Variants in PPP1R42 observed in about 807,000 individuals in gnomAD.
The protein encoded by PPP1R42 is protein phosphatase 1 regulatory subunit 42.
Under a neutral mutation model 31.0 loss-of-function variants are expected in PPP1R42, and 34 were observed. The ratio of observed to expected loss-of-function variants is 1.10; its 90% CI spans 0.83 to 1.46. The LOEUF (loss-of-function observed/expected upper bound fraction) is 1.46, where lower values mean the gene tolerates loss of function less well. Ranked by LOEUF, PPP1R42 falls within the 40% of genes most tolerant of loss-of-function variation. The probability of loss-of-function intolerance (pLI) is 0.00; values close to 1 mark genes in which losing one functional copy is unlikely to be tolerated. For missense variants in PPP1R42, 268 were observed against 303.0 expected, an observed-to-expected ratio of 0.88 and a Z score of 0.86; for synonymous variants, 103 against 109.8, an observed-to-expected ratio of 0.94 and a Z score of 0.39.
In PPP1R42 at chr8:67,014,513, T is replaced by A. The variant is rs748298905; in HGVS notation, c.209A>T (p.Tyr70Phe). ...GTACAAGTGGGTCAGATTTGTGGCATAATTCAGGTTAGTGATTTGACTAAT... is the reference window on the plus strand; with the variant it reads ...GTACAAGTGGGTCAGATTTGTGGCAAAATTCAGGTTAGTGATTTGACTAAT... Reference protein sequence around the residue: ...NCISQITNLNYATNLTHLYLQ... With the variant: ...NCISQITNLNFATNLTHLYLQ... Residue 70 changes from tyrosine to phenylalanine, a missense_variant, in exon 3 of 8, where the codon TAT (tyrosine) becomes TTT (phenylalanine). Coordinates refer to ENST00000685739, the MANE Select transcript of PPP1R42 (RefSeq NM_001364910.1). 2 of 1,578,422 alleles carry A rather than the reference T, an allele frequency of 1.3e-6. No homozygotes were observed. The highest frequency in any genetic ancestry group is 1.7e-6 in the Non-Finnish European group (2 of 1,152,464).
At chr8:67,004,735 T>C (rs937057461) in intron 5 of PPP1R42, among the ~76,000 whole-genome samples, 1 of 152,204 alleles carries the variant, frequency 6.6e-6, no homozygotes, top group Non-Finnish European at 1.5e-5. Flanking sequence ...TTCTTTCTTT[T>C]TGTTTCCGTT....
intron 1 of PPP1R42, among the ~76,000 whole-genome samples, chr8:67,026,317 A>G (rs2129537310): frequency 6.6e-6 from 1 of 151,962 alleles, no homozygotes; most frequent in East Asian, 1.9e-4. Flanking sequence ...CAGACTGGGC[A>G]ACAAGAGTGA....
At position 66,986,067 on chromosome 8, in the gene PPP1R42, G is replaced by T. The variant is rs76083592; in HGVS notation, c.670+2333C>A. ...TCGGGGAGTAGAATCATCAAGAAAA[G>T]GTTTCAGATGATCGGCTGCCTTCTT... On this transcript the variant is annotated intron_variant, in intron 6 of 7. Transcript: ENST00000685739. 713 of 740,464 alleles carry T rather than the reference G, an allele frequency of 9.6e-4. 7 individuals carry two copies. In the East Asian group the frequency reaches 0.015, roughly 16 times the overall value. The allele number at this position is 740,464 out of a possible 1,614,324, so 45.9% of individuals were successfully genotyped here.
At chr8:67,026,035 T>C (rs568578040) in intron 1 of PPP1R42, among the ~76,000 whole-genome samples, 6 of 131,936 alleles carry the variant, frequency 4.5e-5, no homozygotes, top group Admixed American at 3.2e-4. Context: ...AATAAGAGCA[T>C]AGTAAATTGT....
chr8:66,981,786 C>A (rs967050153), intron 7 of PPP1R42, among the ~76,000 whole-genome samples: 1 of 152,182 alleles, frequency 6.6e-6, no homozygotes, highest in African/African-American at 2.4e-5. Flanking sequence ...TTTTTCCCCA[C>A]CCTTGTGGCT....
intron 7 of PPP1R42, among the ~76,000 whole-genome samples, chr8:66,971,600 G>A (rs1814540453): frequency 6.6e-6 from 1 of 152,088 alleles, no homozygotes; most frequent in Non-Finnish European, 1.5e-5. Flanking sequence ...CTAATCCACA[G>A]TGGCTGGCAT....
chr8:67,008,305 G>A (rs1258003565), intron 5 of PPP1R42, among the ~76,000 whole-genome samples: 1 of 152,180 alleles, frequency 6.6e-6, no homozygotes, highest in Non-Finnish European at 1.5e-5. Flanking sequence ...GTCTTAGAAT[G>A]TAGCCTTCAC....
chr8:66,970,995 A>G (rs779316357), intron 7 of PPP1R42: 1 of 1,522,582 alleles, frequency 6.6e-7, no homozygotes, highest in African/African-American at 1.4e-5. Context: ...TCTCTTAAAT[A>G]ATTTTAGTGT....
chr8:67,023,418 T>C (rs558337654), intron 1 of PPP1R42, among the ~76,000 whole-genome samples: 1 of 152,320 alleles, frequency 6.6e-6, no homozygotes, highest in African/African-American at 2.4e-5. Flanking sequence ...CTCGAGTTTT[T>C]ATTTTTGAGT....
At chr8:66,976,258 T>C (rs1216471077) in intron 7 of PPP1R42, among the ~76,000 whole-genome samples, 1 of 152,130 alleles carries the variant, frequency 6.6e-6, no homozygotes, top group Non-Finnish European at 1.5e-5. Flanking sequence ...GAAAAAAAGC[T>C]CAGGGCTCCT....
intron 5 of PPP1R42, among the ~76,000 whole-genome samples, chr8:67,004,889 G>A (rs1228855142): frequency 2.6e-5 from 4 of 152,136 alleles, no homozygotes; most frequent in Non-Finnish European, 5.9e-5. Context: ...CAGGCAGCTG[G>A]CATTTTCCCT....
chr8:66,980,759 C>A (rs983059099), intron 7 of PPP1R42, among the ~76,000 whole-genome samples: 1 of 152,056 alleles, frequency 6.6e-6, no homozygotes, highest in Non-Finnish European at 1.5e-5. Flanking sequence ...AGTTGTAGAA[C>A]AAGAACATTA....
intron 5 of PPP1R42, among the ~76,000 whole-genome samples, chr8:67,003,182 A>G (rs191133461): frequency 7.3e-5 from 11 of 150,830 alleles, no homozygotes; most frequent in Admixed American, 4.6e-4. Flanking sequence ...AAAAAAAAAA[A>G]AAAAGAAAAA....
At chr8:67,016,941 A>G (rs1413759134) in intron 2 of PPP1R42, among the ~76,000 whole-genome samples, 1 of 152,214 alleles carries the variant, frequency 6.6e-6, no homozygotes, top group Admixed American at 6.5e-5. Context: ...TCAAAAATTT[A>G]TATTTCAAGG....
chr8:66,991,625 C>G (rs1166328485), intron 5 of PPP1R42, among the ~76,000 whole-genome samples: 1 of 152,194 alleles, frequency 6.6e-6, no homozygotes, highest in African/African-American at 2.4e-5. Flanking sequence ...CTCTTCCATT[C>G]TTCTTTTCCA....
In PPP1R42 at chr8:66,964,338, T is replaced by C. The variant is rs1252537842; in HGVS notation, c.803-4A>G. ...AGATTGCTTCAAAGAGAGATTCCTG[T>C]ATTTATAGAGAGGGAAAAAAAAGCA... On this transcript the variant is annotated splice_region_variant and splice_polypyrimidine_tract_variant and intron_variant, in intron 7 of 7. Coordinates refer to ENST00000685739, the MANE Select transcript of PPP1R42 (RefSeq NM_001364910.1). 1 of 1,249,534 alleles carries C rather than the reference T, an allele frequency of 8.0e-7. No individual in the cohort carries two copies. 77.4% of individuals were successfully genotyped at this position (1,249,534 alleles called of 1,614,324 possible).
intron 5 of PPP1R42, among the ~76,000 whole-genome samples, chr8:67,008,121 A>G (rs1429060420): frequency 1.3e-5 from 2 of 151,414 alleles, no homozygotes; most frequent in Non-Finnish European, 2.9e-5. Context: ...CTCCTGATTG[A>G]GTGTTGGTAT....
intron 7 of PPP1R42, among the ~76,000 whole-genome samples, chr8:66,969,766 TC>T (rs1563411883): frequency 1.3e-5 from 2 of 152,268 alleles, no homozygotes; most frequent in East Asian, 3.9e-4. Context: ...GGAAAACGAT[TC>T]CAAAGTATGT....
intron 7 of PPP1R42, among the ~76,000 whole-genome samples, chr8:66,973,376 T>C (rs1377854218): frequency 6.6e-6 from 1 of 152,070 alleles, no homozygotes; most frequent in Non-Finnish European, 1.5e-5. Flanking sequence ...CCATCTCGGC[T>C]CACTGCAGCC....
Sources: allele counts gnomAD v4.1 joint callset (sites outside exome capture counted in the v4.1 genomes callset), GRCh38; gene constraint gnomAD v4.1.1; transcripts MANE v1.5; gene names NCBI Gene and HGNC (gene_info 2026-07-23, HGNC 2026-07-21).